Variants in DSTYK observed in about 807,000 individuals in gnomAD.
The protein encoded by DSTYK is RIP-homologous kinase.
DSTYK carries 34 observed loss-of-function variants against 98.7 expected under a neutral mutation model. That is an observed-to-expected ratio of 0.34 (90% CI 0.26 to 0.46). DSTYK has a LOEUF of 0.46. Among genes scored for constraint, DSTYK ranks in the 20% least tolerant of loss-of-function variants. DSTYK has a pLI of 1.00. For synonymous variants in DSTYK, 462 were observed against 457.3 expected (o/e 1.01, Z -0.13); for missense variants, 962 against 1,181.7 (o/e 0.81, Z 2.73).
chr1:205,190,360 C>T (rs1658672429), intron 1 of DSTYK, among the ~76,000 whole-genome samples: 1 of 152,146 alleles, frequency 6.6e-6, no homozygotes, highest in Non-Finnish European at 1.5e-5. Flanking sequence ...TGCAGTGGCT[C>T]ACACCTGTAA....
intron 1 of DSTYK, among the ~76,000 whole-genome samples, chr1:205,210,882 G>A (rs1210584927): frequency 6.6e-6 from 1 of 152,182 alleles, no homozygotes; most frequent in Admixed American, 6.5e-5. Flanking sequence ...TCTAAACTGG[G>A]GCTCTGACCC....
chr1:205,159,245 A>G (rs1165159184), intron 9 of DSTYK, among the ~76,000 whole-genome samples: 1 of 152,076 alleles, frequency 6.6e-6, no homozygotes, highest in Non-Finnish European at 1.5e-5. Context: ...ATGAGCCACC[A>G]TACTCAGCTA....
chr1:205,163,376 C>T (rs11804620), intron 4 of DSTYK, among the ~76,000 whole-genome samples: 4 of 151,806 alleles, frequency 2.6e-5, no homozygotes, highest in Admixed American at 6.6e-5. Flanking sequence ...TGCACCACCA[C>T]GCCCAGCTAA....
At position 205,176,476 on chromosome 1, in the gene DSTYK, T is replaced by TAAAAAAAA. The variant is rs61291677; in HGVS notation, c.655-6652_655-6645dup. Among the ~76,000 whole-genome samples, 64 of 43,194 alleles carry TAAAAAAAA rather than the reference T, an allele frequency of 1.5e-3. 1 individual carries two copies. The highest frequency in any genetic ancestry group is 4.9e-3 in the South Asian group (3 of 610). 28.3% of individuals were successfully genotyped at this position (43,194 alleles called of 152,430 possible). ...GGGCAACAAGAGTGAAACTCCCTCT[T>TAAAAAAAA]AAAAAAAAAAAAAAAAAAAAAAAAA... On this transcript the variant is annotated intron_variant, in intron 2 of 12. Coordinates refer to ENST00000367162, the MANE Select transcript of DSTYK (RefSeq NM_015375.3).
At chr1:205,206,246 C>T (rs1422535099) in intron 1 of DSTYK, among the ~76,000 whole-genome samples, 2 of 151,842 alleles carry the variant, frequency 1.3e-5, no homozygotes, top group African/African-American at 2.4e-5. Flanking sequence ...ACTTACATAG[C>T]ACCTTAGCAG....
At chr1:205,204,716 A>G (rs1326996320) in intron 1 of DSTYK, among the ~76,000 whole-genome samples, 1 of 152,094 alleles carries the variant, frequency 6.6e-6, no homozygotes, top group East Asian at 1.9e-4. Flanking sequence ...CCTCCCAGAA[A>G]AATTCCATAC....
intron 3 of DSTYK, among the ~76,000 whole-genome samples, chr1:205,168,056 A>C (rs1224911110): frequency 3.9e-5 from 6 of 152,204 alleles, no homozygotes; most frequent in Non-Finnish European, 1.5e-5. Context: ...CAGTGAGTCA[A>C]GATCACGCCA....
intron 10 of DSTYK, among the ~76,000 whole-genome samples, chr1:205,151,799 A>G (rs1657414540): frequency 6.6e-6 from 1 of 150,928 alleles, no homozygotes; most frequent in South Asian, 2.1e-4. Flanking sequence ...ACTGTCTTCC[A>G]CCTCCACATT....
In DSTYK at chr1:205,176,476, T is replaced by TAAAAAAA. The variant is rs61291677; in HGVS notation, c.655-6651_655-6645dup. The stretch of plus-strand genomic sequence containing the variant: ...GGGCAACAAGAGTGAAACTCCCTCT[T>TAAAAAAA]AAAAAAAAAAAAAAAAAAAAAAAAA... On this transcript the variant is annotated intron_variant, in intron 2 of 12. Transcript: ENST00000367162. 1.9e-3 allele frequency among the ~76,000 whole-genome samples: 84 copies of TAAAAAAA among 43,198 alleles called. 1 individual carries two copies. Among genetic ancestry groups the TAAAAAAA allele is most frequent in the African/African-American group, 3.5e-3 (49 of 14,106 alleles). 28.3% of individuals were successfully genotyped at this position (43,198 alleles called of 152,430 possible). A position where few individuals can be genotyped will look rare whatever the true frequency, so the allele number is the denominator to read the frequency against.
At position 205,146,459 on chromosome 1, in the gene DSTYK, TG is replaced by T. The variant is rs1657235732; in HGVS notation, c.*1098del. 1 of 152,194 alleles carries T rather than the reference TG, an allele frequency of 6.6e-6. No individual in the cohort carries two copies. The highest frequency in any genetic ancestry group is 2.4e-5 in the African/African-American group (1 of 41,436). 9.4% of individuals were successfully genotyped at this position (152,194 alleles called of 1,614,324 possible). On this transcript the variant is annotated 3_prime_UTR_variant, in exon 13 of 13. Transcript: ENST00000367162. ...AAAGGTAAAAGAACAGATTCTGTTC[TG>T]GGGTTAGCAGTAACTCTAAATCCAA...
At position 205,164,715 on chromosome 1, in the gene DSTYK, C is replaced by T. The variant is rs1018553197; in HGVS notation, c.1325-760G>A. 3.3e-5 allele frequency among the ~76,000 whole-genome samples: 5 copies of T among 152,174 alleles called. No individual in the cohort carries two copies. In the East Asian group the frequency reaches 7.7e-4, roughly 24 times the overall value. On this transcript the variant is annotated intron_variant, in intron 3 of 12. Transcript: ENST00000367162. ...TGACCTCGTGATCTGCCCACCTCGGCCTCCCAAAGTGCTGGGATTACAGGT... is the reference window on the plus strand; with the variant it reads ...TGACCTCGTGATCTGCCCACCTCGGTCTCCCAAAGTGCTGGGATTACAGGT...
chr1:205,205,981 G>A (rs1435111667), intron 1 of DSTYK, among the ~76,000 whole-genome samples: 2 of 152,126 alleles, frequency 1.3e-5, no homozygotes, highest in Admixed American at 6.6e-5. Flanking sequence ...ACACGTATAT[G>A]GTTTAGATTA....
At chr1:205,157,449 C>G in intron 9 of DSTYK, 63 bp from the exon 10 acceptor site, 2 of 1,344,984 alleles carry the variant, frequency 1.5e-6, no homozygotes, top group Non-Finnish European at 1.1e-6. Flanking sequence ...ACTGACTATA[C>G]TAGGGCACAT....
At chr1:205,200,548 C>A (rs1488637587) in intron 1 of DSTYK, among the ~76,000 whole-genome samples, 1 of 152,228 alleles carries the variant, frequency 6.6e-6, no homozygotes, top group Non-Finnish European at 1.5e-5. Flanking sequence ...CACTCAAAGA[C>A]AACTAATGAT....
intron 1 of DSTYK, among the ~76,000 whole-genome samples, chr1:205,194,207 T>A (rs1052781431): frequency 2.6e-5 from 4 of 152,228 alleles, no homozygotes; most frequent in Non-Finnish European, 4.4e-5. Context: ...ATAAATTTGT[T>A]ATGCTTTTCT....
Position 205,145,525 on chromosome 1 carries a change from G to GTTTTTTTTTTTTTTT in DSTYK, c.*2032_*2033insAAAAAAAAAAAAAAA, listed in dbSNP as rs61220458. 3.2e-5 allele frequency: 4 copies of GTTTTTTTTTTTTTTT among 125,544 alleles called. 1 individual carries two copies. Among genetic ancestry groups the GTTTTTTTTTTTTTTT allele is most frequent in the African/African-American group, 2.7e-5 (1 of 36,626 alleles). 7.8% of individuals were successfully genotyped at this position (125,544 alleles called of 1,614,324 possible). A position where few individuals can be genotyped will look rare whatever the true frequency, so the allele number is the denominator to read the frequency against. The stretch of plus-strand genomic sequence containing the variant: ...GATGTGCGACTCATCTTTGTTTTTT[G>GTTTTTTTTTTTTTTT]TTTTTTTTTTTGTTTTTTTTTGAGA... On this transcript the variant is annotated 3_prime_UTR_variant, in exon 13 of 13. Coordinates refer to ENST00000367162, the MANE Select transcript of DSTYK (RefSeq NM_015375.3).
chr1:205,189,729 T>C (rs1658656790), intron 1 of DSTYK, among the ~76,000 whole-genome samples: 1 of 152,090 alleles, frequency 6.6e-6, no homozygotes, highest in Non-Finnish European at 1.5e-5. Flanking sequence ...CTCTATGCAT[T>C]TCATTAGGGC....
intron 1 of DSTYK, among the ~76,000 whole-genome samples, chr1:205,191,549 A>G (rs1363396388): frequency 1.3e-5 from 2 of 152,190 alleles, no homozygotes; most frequent in African/African-American, 4.8e-5. Context: ...CAGTTCTAAA[A>G]TGCCAGGTTT....
chr1:205,190,851 A>G (rs1207251146), intron 1 of DSTYK, among the ~76,000 whole-genome samples: 1 of 152,160 alleles, frequency 6.6e-6, no homozygotes, highest in African/African-American at 2.4e-5. Context: ...TTCATCACAA[A>G]AAGACCAACA....
Sources: allele counts gnomAD v4.1 joint callset (sites outside exome capture counted in the v4.1 genomes callset), GRCh38; gene constraint gnomAD v4.1.1; transcripts MANE v1.5; gene names NCBI Gene and HGNC (gene_info 2026-07-23, HGNC 2026-07-21).